The following OLFM4 variants were observed in gnomAD, a reference collection of about 807,000 sequenced individuals.
OLFM4 encodes olfactomedin-4.
A neutral mutation model predicts 25.5 loss-of-function variants in OLFM4; 22 were observed. The ratio of observed to expected loss-of-function variants is 0.86; its 90% CI spans 0.62 to 1.23. OLFM4 has a LOEUF of 1.23. Among genes scored for constraint, OLFM4 ranks in the 50% most tolerant of loss-of-function variants. OLFM4 has a pLI of 0.00. For synonymous variants in OLFM4, 255 were observed against 237.7 expected (o/e 1.07, Z -0.67); for missense variants, 594 against 619.4 (o/e 0.96, Z 0.44).
chr13:53,029,443 A>G (rs1417046682), intron 1 of OLFM4, among the ~76,000 whole-genome samples: 2 of 152,146 alleles, frequency 1.3e-5, no homozygotes, highest in Non-Finnish European at 2.9e-5. Flanking sequence ...CCAAGATGGG[A>G]ACTGTTAGGG....
chr13:53,031,560 T>G (rs1247450561), intron 1 of OLFM4, among the ~76,000 whole-genome samples: 1 of 152,152 alleles, frequency 6.6e-6, no homozygotes, highest in African/African-American at 2.4e-5. Context: ...AGGAAAAGCC[T>G]CAATGCTCAC....
At chr13:53,034,297 A>G (rs1954645606) in intron 1 of OLFM4, 51 bp from the exon 2 acceptor site, 1 of 1,591,620 alleles carries the variant, frequency 6.3e-7, no homozygotes, top group Non-Finnish European at 8.6e-7. Flanking sequence ...CCAGTTGCCA[A>G]AAGCTCAGAT....
At chr13:53,038,641 G>T (rs1954671773) in intron 2 of OLFM4, among the ~76,000 whole-genome samples, 1 of 152,156 alleles carries the variant, frequency 6.6e-6, no homozygotes, top group Admixed American at 6.5e-5. Context: ...TGCAGCAAAT[G>T]ACTGTATTTT....
Position 53,049,962 on chromosome 13 carries a change from T to C in OLFM4, c.731-7T>C. On this transcript the variant is annotated splice_region_variant and splice_polypyrimidine_tract_variant and intron_variant, in intron 4 of 4. Transcript: ENST00000219022. Reference sequence around the variant, plus strand: ...AAAAATGCCTTTTTATTTTCTTGTTTGTATAGGGAGCTGTGGTCATGGTGG... The same window carrying C: ...AAAAATGCCTTTTTATTTTCTTGTTCGTATAGGGAGCTGTGGTCATGGTGG... 6.4e-7 allele frequency: 1 copy of C among 1,571,514 alleles called. No homozygotes were observed. The highest frequency in any genetic ancestry group is 8.6e-7 in the Non-Finnish European group (1 of 1,157,284).
intron 4 of OLFM4, among the ~76,000 whole-genome samples, chr13:53,047,657 A>G (rs1331597347): frequency 6.6e-6 from 1 of 152,190 alleles, no homozygotes; most frequent in African/African-American, 2.4e-5. Context: ...TTTCTGGTCA[A>G]CTTATGAAAT....
chr13:53,047,980 GA>G (rs1404953384), intron 4 of OLFM4, among the ~76,000 whole-genome samples: 2 of 151,674 alleles, frequency 1.3e-5, no homozygotes, highest in Admixed American at 1.3e-4. Context: ...CAACCTGAAA[GA>G]AAAAAAAGTG....
intron 4 of OLFM4, among the ~76,000 whole-genome samples, chr13:53,046,138 GAC>G (rs1223459384): frequency 2.0e-5 from 3 of 152,126 alleles, no homozygotes. Context: ...ATCATTTTAT[GAC>G]TATGATTGTT....
chr13:53,044,031 G>A (rs774063296), intron 4 of OLFM4, among the ~76,000 whole-genome samples: 1 of 152,120 alleles, frequency 6.6e-6, no homozygotes, highest in Non-Finnish European at 1.5e-5. Context: ...TCAGCTAGGT[G>A]GCTGCAGCAA....
chr13:53,042,606 C>T (rs17053814), intron 3 of OLFM4, among the ~76,000 whole-genome samples: 8,986 of 152,176 alleles, frequency 0.059, 352 homozygotes, highest in East Asian at 0.19. Context: ...TTCTGTAAAG[C>T]CTTTTAAGAT....
intron 1 of OLFM4, among the ~76,000 whole-genome samples, chr13:53,032,253 G>C (rs1954632992): frequency 6.6e-6 from 1 of 152,168 alleles, no homozygotes; most frequent in Non-Finnish European, 1.5e-5. Flanking sequence ...ACTGTTTTCT[G>C]AGTTGGCAGA....
At chr13:53,038,414 C>T (rs1954670707) in intron 2 of OLFM4, among the ~76,000 whole-genome samples, 1 of 152,096 alleles carries the variant, frequency 6.6e-6, no homozygotes, top group Admixed American at 6.5e-5. Context: ...GAGGGTGTAG[C>T]CAACTACACA....
intron 4 of OLFM4, among the ~76,000 whole-genome samples, chr13:53,045,156 G>C (rs1297066428): frequency 6.6e-6 from 1 of 152,156 alleles, no homozygotes; most frequent in Non-Finnish European, 1.5e-5. Context: ...CAAGGACAAC[G>C]GTGGGGAGAA....
intron 1 of OLFM4, among the ~76,000 whole-genome samples, chr13:53,030,133 CT>C (rs1295081996): frequency 6.6e-6 from 1 of 152,058 alleles, no homozygotes; most frequent in Admixed American, 6.5e-5. Flanking sequence ...GAGGAAAAGA[CT>C]TTTATTTGTT....
intron 4 of OLFM4, among the ~76,000 whole-genome samples, chr13:53,046,224 G>C (rs1370974835): frequency 6.6e-6 from 1 of 152,184 alleles, no homozygotes; most frequent in Admixed American, 6.5e-5. Context: ...CCAGTTGAGA[G>C]AGTGCATTAA....
rs1437735798 is a variant in OLFM4 at position 53,030,263 on chromosome 13, A to G, written c.204+1223A>G. 2.6e-5 allele frequency among the ~76,000 whole-genome samples: 4 copies of G among 152,210 alleles called. No individual in the cohort carries two copies. The East Asian group carries it at 5.8e-4, about 22-fold the overall frequency. The stretch of plus-strand genomic sequence containing the variant: ...TACTGTGTGTCTAATAAATGCCAGG[A>G]CTAGGTTAAGTACATAATATATATC... On this transcript the variant is annotated intron_variant, in intron 1 of 4. Transcript: ENST00000219022.
intron 2 of OLFM4, among the ~76,000 whole-genome samples, chr13:53,036,435 A>G (rs9536345): frequency 0.34 from 52,103 of 152,130 alleles, 10,019 homozygotes; most frequent in Middle Eastern, 0.5. Flanking sequence ...GCAGTGTGAA[A>G]GGCAGTTTGA....
intron 4 of OLFM4, among the ~76,000 whole-genome samples, chr13:53,046,955 C>T (rs1007686134): frequency 7.2e-5 from 11 of 152,162 alleles, no homozygotes; most frequent in African/African-American, 2.7e-4. Flanking sequence ...GAGAGGTGCA[C>T]CTGTGATTTC....
At chr13:53,029,191 A>G in intron 1 of OLFM4, 151 bp downstream of exon 1, 1 of 1,179,580 alleles carries the variant, frequency 8.5e-7, no homozygotes, top group South Asian at 1.5e-5. Flanking sequence ...GAAATGAATT[A>G]AAGCCTCAGT....
intron 4 of OLFM4, among the ~76,000 whole-genome samples, chr13:53,048,809 A>G (rs1015074939): frequency 2.0e-5 from 3 of 152,108 alleles, no homozygotes. Flanking sequence ...AGGACGAGGG[A>G]AAATGACCTC....
Sources: gnomAD v4.1 joint callset for allele counts (sites outside exome capture counted in the v4.1 genomes callset) on GRCh38, gnomAD v4.1.1 for gene constraint, MANE v1.5 for transcripts, NCBI Gene and HGNC (gene_info 2026-07-23, HGNC 2026-07-21) for gene names.